METTL15: variants seen among roughly 807,000 people sequenced by gnomAD.
The protein encoded by METTL15 is methyltransferase 15, mitochondrial 12S rRNA N4-cytidine, also known as 12S rRNA N(4)-cytidine methyltransferase METTL15.
Under a neutral mutation model 38.3 loss-of-function variants are expected in METTL15, and 34 were observed. The observed-to-expected ratio is 0.89, with a 90% CI of 0.68 to 1.18. The LOEUF (loss-of-function observed/expected upper bound fraction) is 1.18. Ranked by LOEUF, METTL15 falls within the 50% of genes most tolerant of loss-of-function variation. The pLI is 0.00. For missense variants in METTL15, 438 were observed against 498.4 expected (o/e 0.88, Z 1.15); for synonymous variants, 162 against 170.9 (o/e 0.95, Z 0.41).
intron 5 of METTL15, among the ~76,000 whole-genome samples, chr11:28,391,901 A>T (rs1850512810): frequency 6.6e-6 from 1 of 152,236 alleles, no homozygotes; most frequent in African/African-American, 2.4e-5. Flanking sequence ...GGACATAGAC[A>T]TGGGTAAGGA....
Position 28,201,121 on chromosome 11 carries a change from G to A in METTL15, c.271-9941G>A, listed in dbSNP as rs192339605. ...TTATTGAGAGTTTTTAACATGAAGC[G>A]ATGTTGAATTTTATCAAAGGCCTTT... is the stretch of plus-strand genomic sequence containing the variant. On this transcript the variant is annotated intron_variant, in intron 3 of 6. Coordinates refer to ENST00000407364, the MANE Select transcript of METTL15 (RefSeq NM_001113528.2). Among the ~76,000 whole-genome samples, 30 of 152,192 alleles carry A rather than the reference G, an allele frequency of 2.0e-4. No homozygotes were observed. In the East Asian group the frequency reaches 2.1e-3, roughly 11 times the overall value.
chr11:28,447,119 T>G (rs958373364), intron 6 of METTL15, among the ~76,000 whole-genome samples: 15 of 152,194 alleles, frequency 9.9e-5, no homozygotes, highest in Non-Finnish European at 1.9e-4. Context: ...TTCTTAGACT[T>G]CTTTTTAATA....
intron 3 of METTL15, among the ~76,000 whole-genome samples, chr11:28,119,351 A>G (rs1181843569): frequency 6.6e-6 from 1 of 152,224 alleles, no homozygotes; most frequent in Non-Finnish European, 1.5e-5. Context: ...TGAATGAATA[A>G]AAGTCAAAGT....
intron 3 of METTL15, among the ~76,000 whole-genome samples, chr11:28,179,133 G>A (rs139207844): frequency 4.0e-5 from 6 of 151,750 alleles, no homozygotes; most frequent in South Asian, 4.1e-4. Flanking sequence ...TGTGTATTTT[G>A]AATCTAATCT....
At chr11:28,246,284 A>G (rs1555013948) in intron 4 of METTL15, among the ~76,000 whole-genome samples, 2 of 152,170 alleles carry the variant, frequency 1.3e-5, no homozygotes, top group Non-Finnish European at 2.9e-5. Context: ...AAAATATCAT[A>G]TGTGTTTGAA....
chr11:28,355,810 T>C (rs535701435), intron 4 of METTL15, among the ~76,000 whole-genome samples: 42 of 152,326 alleles, frequency 2.8e-4, no homozygotes, highest in Admixed American at 2.5e-3. Flanking sequence ...GGGACAACTG[T>C]ACTTAGCAAG....
chr11:28,236,910 A>T (rs993659770), intron 4 of METTL15, among the ~76,000 whole-genome samples: 4 of 152,074 alleles, frequency 2.6e-5, no homozygotes, highest in African/African-American at 9.7e-5. Context: ...TCTTTTCTTT[A>T]AGAATGTTGA....
rs536526647 is a variant in METTL15 at position 28,466,499 on chromosome 11, C to A, written c.*424+42135C>A. 3.3e-5 allele frequency among the ~76,000 whole-genome samples: 5 copies of A among 152,298 alleles called. No homozygotes were observed. The East Asian group carries it at 9.7e-4, about 29-fold the overall frequency. On this transcript the variant is annotated intron_variant and NMD_transcript_variant, in intron 6 of 7. Coordinates refer to the METTL15 transcript ENST00000532947. ...AAACCATGGCCACACCACAGCTCAG[C>A]CCATTCCACAAGATGTGTGGGAAGT...
At chr11:28,404,520 G>C (rs1850657850) in intron 5 of METTL15, among the ~76,000 whole-genome samples, 1 of 151,944 alleles carries the variant, frequency 6.6e-6, no homozygotes, top group Non-Finnish European at 1.5e-5. Context: ...AATTTTATAA[G>C]GGCATTTATC....
intron 3 of METTL15, among the ~76,000 whole-genome samples, chr11:28,118,491 CT>C (rs945011501): frequency 1.4e-3 from 217 of 149,898 alleles, no homozygotes; most frequent in African/African-American, 5.0e-3. Context: ...ATCCTAAGAA[CT>C]TTTTTTTTTC....
chr11:28,284,683 A>T (rs1028623913), intron 4 of METTL15, among the ~76,000 whole-genome samples: 1 of 152,188 alleles, frequency 6.6e-6, no homozygotes, highest in Admixed American at 6.5e-5. Flanking sequence ...AAATTCTAAA[A>T]CTAATTTCAT....
chr11:28,295,468 A>G (rs1281920075), intron 5 of METTL15, among the ~76,000 whole-genome samples: 2 of 152,048 alleles, frequency 1.3e-5, no homozygotes, highest in East Asian at 3.9e-4. Flanking sequence ...GCAGTCCGAC[A>G]TAAAAACAAT....
intron 3 of METTL15, among the ~76,000 whole-genome samples, chr11:28,208,721 CTT>C (rs1852483598): frequency 6.6e-6 from 1 of 151,952 alleles, no homozygotes; most frequent in South Asian, 2.1e-4. Context: ...GTTAAAGTCT[CTT>C]ATTATTATTC....
intron 4 of METTL15, among the ~76,000 whole-genome samples, chr11:28,216,511 A>T (rs1226394280): frequency 1.3e-5 from 2 of 152,140 alleles, no homozygotes; most frequent in East Asian, 3.8e-4. Flanking sequence ...TTGAATATAC[A>T]AGTTCTATGA....
intron 4 of METTL15, among the ~76,000 whole-genome samples, chr11:28,233,153 A>G (rs958995046): frequency 3.3e-5 from 5 of 152,094 alleles, no homozygotes; most frequent in Admixed American, 6.6e-5. Flanking sequence ...TTGTATTCTT[A>G]AATGCAGTGA....
At chr11:28,426,876 T>G (rs1011256166) in intron 6 of METTL15, among the ~76,000 whole-genome samples, 2 of 152,052 alleles carry the variant, frequency 1.3e-5, no homozygotes, top group African/African-American at 2.4e-5. Context: ...AAATTTTTTC[T>G]CATTCTGTAG....
At chr11:28,171,473 G>GT (rs941685738) in intron 3 of METTL15, among the ~76,000 whole-genome samples, 7 of 152,226 alleles carry the variant, frequency 4.6e-5, no homozygotes, top group Admixed American at 4.6e-4. Flanking sequence ...TTTTAAAAAC[G>GT]TAACTGGAAA....
In METTL15 at chr11:28,353,643, C is replaced by T. The variant is rs1011236804; in HGVS notation, c.*258+1485C>T. 1.1e-4 allele frequency among the ~76,000 whole-genome samples: 16 copies of T among 152,202 alleles called. 1 individual carries two copies. Among genetic ancestry groups the T allele is most frequent in the African/African-American group, 3.9e-4 (16 of 41,546 alleles). The stretch of plus-strand genomic sequence containing the variant: ...TAAGTATGTAAGTGTAATAAGATGT[C>T]GGCCGGGCGCGGTGGCTCACGCCTG... On this transcript the variant is annotated intron_variant and NMD_transcript_variant, in intron 4 of 7. Coordinates refer to the METTL15 transcript ENST00000532947.
At chr11:28,433,298 C>A (rs148236043) in intron 6 of METTL15, among the ~76,000 whole-genome samples, 308 of 151,920 alleles carry the variant, frequency 2.0e-3, no homozygotes, top group African/African-American at 7.2e-3. Context: ...ATTCTATATA[C>A]CATAACAAAC....
Sources: allele counts gnomAD v4.1 joint callset (sites outside exome capture counted in the v4.1 genomes callset), GRCh38; gene constraint gnomAD v4.1.1; transcripts MANE v1.5; gene names NCBI Gene and HGNC (gene_info 2026-07-23, HGNC 2026-07-21).